The following TENM2 variants were observed in gnomAD, a reference collection of about 807,000 sequenced individuals.
TENM2 encodes teneurin transmembrane protein 2.
Under a neutral mutation model 245.2 loss-of-function variants are expected in TENM2, and 52 were observed. That is an observed-to-expected ratio of 0.21 (90% CI 0.17 to 0.27). TENM2 has a LOEUF of 0.27. TENM2 is among the 10% of genes least tolerant of loss of function. The pLI is 1.00. For synonymous variants in TENM2, 1,363 were observed against 1,438.9 expected (o/e 0.95, Z 1.19); for missense variants, 3,046 against 3,666.8 (o/e 0.83, Z 4.37).
chr5:167,655,174 A>T (rs1754761889), intron 2 of TENM2, among the ~76,000 whole-genome samples: 1 of 152,188 alleles, frequency 6.6e-6, no homozygotes, highest in African/African-American at 2.4e-5. Context: ...GAAATATCAG[A>T]ATCAAATCAA....
chr5:167,223,293 G>T, the TENM2 span, among the ~76,000 whole-genome samples: 1 of 151,916 alleles, frequency 6.6e-6, no homozygotes, highest in African/African-American at 2.4e-5. Context: ...CTATCAACTT[G>T]TTTGTTTGTA....
At chr5:167,218,852 A>G in the TENM2 span, among the ~76,000 whole-genome samples, 1 of 152,186 alleles carries the variant, frequency 6.6e-6, no homozygotes, top group Admixed American at 6.5e-5. Flanking sequence ...TTCAATACTC[A>G]TTGTGGTCCT....
chr5:168,140,307 A>G (rs1755428887), intron 12 of TENM2, among the ~76,000 whole-genome samples: 1 of 152,236 alleles, frequency 6.6e-6, no homozygotes, highest in African/African-American at 2.4e-5. Flanking sequence ...AGTATTTTAC[A>G]CAAAGCAGCT....
chr5:168,083,065 G>A (rs746894734), intron 7 of TENM2, among the ~76,000 whole-genome samples: 1 of 152,206 alleles, frequency 6.6e-6, no homozygotes, highest in Non-Finnish European at 1.5e-5. Context: ...GTCTACAGAG[G>A]CAGGAAGGCC....
intron 2 of TENM2, among the ~76,000 whole-genome samples, chr5:167,814,973 C>T (rs2151009864): frequency 6.6e-6 from 1 of 152,226 alleles, no homozygotes; most frequent in African/African-American, 2.4e-5. Flanking sequence ...GAGGCAGAGC[C>T]AGCTCTGCCT....
At chr5:167,567,513 G>C (rs547157575) in intron 2 of TENM2, among the ~76,000 whole-genome samples, 1 of 152,254 alleles carries the variant, frequency 6.6e-6, no homozygotes, top group African/African-American at 2.4e-5. Flanking sequence ...CTCTCTCTCT[G>C]AGGATTAGCT....
At chr5:167,836,845 G>A (rs139737317) in intron 2 of TENM2, among the ~76,000 whole-genome samples, 6 of 152,160 alleles carry the variant, frequency 3.9e-5, no homozygotes, top group Non-Finnish European at 2.9e-5. Context: ...ACTACAAACC[G>A]GCTATCTCAG....
At chr5:167,637,697 G>T (rs1561625433) in intron 2 of TENM2, among the ~76,000 whole-genome samples, 1 of 152,066 alleles carries the variant, frequency 6.6e-6, no homozygotes, top group Admixed American at 6.6e-5. Flanking sequence ...GAAACCATCA[G>T]CAAATTAACA....
At chr5:168,110,589 A>C (rs1255110293) in intron 9 of TENM2, among the ~76,000 whole-genome samples, 2 of 152,176 alleles carry the variant, frequency 1.3e-5, no homozygotes, top group African/African-American at 4.8e-5. Flanking sequence ...ACAGCATTGG[A>C]TGAAACAGAC....
At chr5:167,082,492 A>C in the TENM2 span, among the ~76,000 whole-genome samples, 1 of 152,124 alleles carries the variant, frequency 6.6e-6, no homozygotes, top group Non-Finnish European at 1.5e-5. Flanking sequence ...TCACCATGTT[A>C]GCCAGGCTGG....
rs533770498 is a variant in TENM2 at position 167,500,679 on chromosome 5, C to T, written c.502+125206C>T. On this transcript the variant is annotated intron_variant, in intron 2 of 28. Coordinates refer to ENST00000518659, the Ensembl canonical transcript of TENM2. The stretch of plus-strand genomic sequence containing the variant: ...GGTAGGCAGTGTGTGATGGAATGAG[C>T]TTGCTTTTCTGCCTGGTTTCTAGCT... Among the ~76,000 whole-genome samples the T allele has an allele frequency of 2.2e-4, 33 of 152,182 alleles. No individual in the cohort carries two copies. The South Asian group carries it at 6.6e-3, about 31-fold the overall frequency.
intron 25 of TENM2, among the ~76,000 whole-genome samples, chr5:168,242,357 A>C (rs1464643395): frequency 6.6e-6 from 1 of 152,168 alleles, no homozygotes; most frequent in Non-Finnish European, 1.5e-5. Flanking sequence ...AGGGCTGTGA[A>C]AATGCTTCAC....
the TENM2 span, among the ~76,000 whole-genome samples, chr5:167,201,575 G>A: frequency 6.6e-6 from 1 of 152,080 alleles, no homozygotes; most frequent in Non-Finnish European, 1.5e-5. Context: ...TAATGGGTAC[G>A]AGCTCACTGG....
At chr5:167,867,370 T>C (rs1031865440) in intron 2 of TENM2, among the ~76,000 whole-genome samples, 1 of 152,204 alleles carries the variant, frequency 6.6e-6, no homozygotes, top group Non-Finnish European at 1.5e-5. Context: ...TGGTGAGATA[T>C]AGAAACGACA....
chr5:167,065,697 A>G, the TENM2 span, among the ~76,000 whole-genome samples: 2 of 152,220 alleles, frequency 1.3e-5, no homozygotes, highest in Non-Finnish European at 1.5e-5. Flanking sequence ...AATTCTGGCT[A>G]TTGGTAAAGT....
the TENM2 span, among the ~76,000 whole-genome samples, chr5:167,102,966 T>G: frequency 2.6e-4 from 39 of 152,270 alleles, 1 homozygote; most frequent in South Asian, 7.5e-3. Flanking sequence ...GGCTTAATAA[T>G]AGTAATTCCT....
intron 5 of TENM2, among the ~76,000 whole-genome samples, chr5:168,030,158 CTTTTTT>C (rs540326142): frequency 0.025 from 1,634 of 65,152 alleles, 11 homozygotes; most frequent in African/African-American, 0.054. Flanking sequence ...GGTTCTGGCT[CTTTTTT>C]TTTTTTTTTT....
At chr5:167,716,939 TTATTC>T (rs1206927781) in intron 2 of TENM2, among the ~76,000 whole-genome samples, 2,923 of 96,066 alleles carry the variant, frequency 0.03, 94 homozygotes, top group East Asian at 0.092. Flanking sequence ...TTATTTTATT[TTATTC>T]TATTCTATTC....
the TENM2 span, among the ~76,000 whole-genome samples, chr5:167,014,896 A>G: frequency 6.6e-6 from 1 of 152,180 alleles, no homozygotes; most frequent in South Asian, 2.1e-4. Flanking sequence ...CTGTGTCTCT[A>G]CCTAAATTAA....
Sources: gnomAD v4.1 joint callset for allele counts (sites outside exome capture counted in the v4.1 genomes callset) on GRCh38, gnomAD v4.1.1 for gene constraint, MANE v1.5 for transcripts, NCBI Gene and HGNC (gene_info 2026-07-23, HGNC 2026-07-21) for gene names.